TBX20: variants seen among roughly 807,000 people sequenced by gnomAD.
TBX20 encodes T-box transcription factor TBX20.
In TBX20, 8 loss-of-function variants were observed where a neutral mutation model predicts 42.9. The ratio of observed to expected loss-of-function variants is 0.19; its 90% CI spans 0.11 to 0.34. The LOEUF (loss-of-function observed/expected upper bound fraction) is 0.34. Among genes scored for constraint, TBX20 ranks in the 10% least tolerant of loss-of-function variants. The pLI, the probability that TBX20 is intolerant of heterozygous loss-of-function variation, is 1.00. For synonymous variants in TBX20, 198 were observed against 222.8 expected (o/e 0.89, Z 0.99); for missense variants, 411 against 566.0 (o/e 0.73, Z 2.78).
chr7:35,253,004 T>A (rs774750002), intron 1 of TBX20, among the ~76,000 whole-genome samples: 14 of 152,358 alleles, frequency 9.2e-5, no homozygotes, highest in Admixed American at 3.3e-4. Flanking sequence ...ATGGTTCGTG[T>A]AGGGAGAACT....
chr7:35,223,053 T>G (rs1789710098), intron 6 of TBX20, among the ~76,000 whole-genome samples: 1 of 152,212 alleles, frequency 6.6e-6, no homozygotes, highest in Non-Finnish European at 1.5e-5. Flanking sequence ...GTAAGAGTGG[T>G]AGCAGTGAAG....
At chr7:35,216,456 T>C (rs1789591825) in intron 6 of TBX20, among the ~76,000 whole-genome samples, 1 of 152,276 alleles carries the variant, frequency 6.6e-6, no homozygotes, top group Non-Finnish European at 1.5e-5. Flanking sequence ...AAAATAAGGA[T>C]ATCAATATGA....
chr7:35,250,094 AGAG>A lies in TBX20; in HGVS notation c.234_236del (p.Ser79del), dbSNP rs1384836061. 2.5e-6 allele frequency: 4 copies of A among 1,613,740 alleles called. No individual in the cohort carries two copies. Among genetic ancestry groups the A allele is most frequent in the Admixed American group, 1.7e-5 (1 of 59,958 alleles). ...TGGGGATCAGTGGCTCAGTGCACAG[AGAG>A]GAGGAGGACGGGCTGCTGCCACTGC... On this transcript the variant is annotated inframe_deletion, in exon 2 of 8. Transcript: ENST00000408931.
In TBX20 at chr7:35,240,792, C is replaced by T. The variant is rs2075048; in HGVS notation, c.813+87G>A. 178,639 of 1,254,498 alleles carry T rather than the reference C, an allele frequency of 0.14. 13,973 individuals are homozygous for T. Among genetic ancestry groups the T allele is most frequent in the Middle Eastern group, 0.25 (1,164 of 4,700 alleles). 77.7% of individuals were successfully genotyped at this position (1,254,498 alleles called of 1,614,324 possible). A position where few individuals can be genotyped will look rare whatever the true frequency, so the allele number is the denominator to read the frequency against. On this transcript the variant is annotated intron_variant, in intron 5 of 7. Coordinates refer to ENST00000408931, the MANE Select transcript of TBX20 (RefSeq NM_001077653.2). ...GCAAAGTGAACATCCATTTTGAGTA[C>T]TGGGATATCTCTTCTCTCCAAGAAA...
At position 35,250,193 on chromosome 7, in the gene TBX20, C is replaced by T. The variant is rs376489850; in HGVS notation, c.138G>A (p.Val46=). The part of the protein sequence containing the change: ...ENTIKPLEQF[V]EKSSCAQPLG... ...GGGGCTGGGCACAGGACGACTTCTC[C>T]ACAAATTGCTCTGGAGGTAAAGAGA... Residue 46 remains valine (V), a synonymous_variant, in exon 2 of 8, where the codon GTG becomes GTA. Coordinates refer to ENST00000408931, the MANE Select transcript of TBX20 (RefSeq NM_001077653.2). 4.3e-6 allele frequency: 7 copies of T among 1,613,950 alleles called. No homozygotes were observed. The African/African-American group carries it at 9.3e-5, about 22-fold the overall frequency.
chr7:35,236,402 C>T lies in TBX20; in HGVS notation c.813+4477G>A, dbSNP rs183580569. On this transcript the variant is annotated intron_variant, in intron 5 of 7. Coordinates refer to ENST00000408931, the MANE Select transcript of TBX20 (RefSeq NM_001077653.2). ...CTATATATTTATTATATGTTATAGGCTATTATATGCTGCAGGATATATTAT... is the reference window on the plus strand; with the variant it reads ...CTATATATTTATTATATGTTATAGGTTATTATATGCTGCAGGATATATTAT... 3.9e-4 allele frequency among the ~76,000 whole-genome samples: 60 copies of T among 152,104 alleles called. 1 individual carries two copies. The highest frequency in any genetic ancestry group is 3.7e-3 in the Admixed American group (56 of 15,260).
intron 5 of TBX20, among the ~76,000 whole-genome samples, chr7:35,235,766 A>G (rs2532179): frequency 6.6e-6 from 1 of 152,168 alleles, no homozygotes; most frequent in East Asian, 1.9e-4. Context: ...ATGTGTGGAG[A>G]GCAGATTTTG....
chr7:35,230,522 T>TC (rs1014403836), intron 6 of TBX20, among the ~76,000 whole-genome samples: 2 of 151,650 alleles, frequency 1.3e-5, no homozygotes, highest in African/African-American at 4.8e-5. Flanking sequence ...AAATCAAACC[T>TC]CCCCCTCACA....
chr7:35,249,959 C>T lies in TBX20; in HGVS notation c.372G>A (p.Lys124=). 2 of 1,604,756 alleles carry T rather than the reference C, an allele frequency of 1.2e-6. No individual in the cohort carries two copies. The highest frequency in any genetic ancestry group is 1.3e-5 in the African/African-American group (1 of 74,918). ...CCCCAAGTCCCAACTACCTGCCCGACTTGGTGATGATCATCTCGGTGCCCA... is the reference window on the plus strand; with the variant it reads ...CCCCAAGTCCCAACTACCTGCCCGATTTGGTGATGATCATCTCGGTGCCCA... The part of the protein sequence containing the change: ...HELGTEMIIT[K]SGRRMFPTIR... Residue 124 remains lysine (K), a synonymous_variant, in exon 2 of 8, where the codon AAG becomes AAA. Transcript: ENST00000408931. The surrounding 1 kb of genome is among the most constrained non-coding windows in gnomAD (Gnocchi z 4.3).
chr7:35,252,197 G>A (rs1584361005), intron 1 of TBX20, among the ~76,000 whole-genome samples: 1 of 152,074 alleles, frequency 6.6e-6, no homozygotes, highest in Non-Finnish European at 1.5e-5. Context: ...AGAATTCAGG[G>A]GCCCCTAAAC....
intron 3 of TBX20, 148 bp from the exon 4 acceptor site, chr7:35,245,205 G>A: frequency 1.6e-6 from 1 of 619,408 alleles, no homozygotes; most frequent in South Asian, 1.8e-5. Context: ...TATTACTATT[G>A]CAATGTCAAA....
At chr7:35,239,900 T>G (rs1790041838) in intron 5 of TBX20, among the ~76,000 whole-genome samples, 1 of 151,998 alleles carries the variant, frequency 6.6e-6, no homozygotes, top group Non-Finnish European at 1.5e-5. Context: ...TACAGGCACC[T>G]GCCACCAGGC....
At chr7:35,226,945 A>G (rs1789782658) in intron 6 of TBX20, among the ~76,000 whole-genome samples, 2 of 151,992 alleles carry the variant, frequency 1.3e-5, no homozygotes, top group African/African-American at 4.8e-5. Flanking sequence ...ATTACAGGAG[A>G]TGTGTGTTAT....
At chr7:35,247,106 T>C (rs550766326) in intron 3 of TBX20, among the ~76,000 whole-genome samples, 2 of 130,250 alleles carry the variant, frequency 1.5e-5, no homozygotes, top group Non-Finnish European at 3.1e-5. Context: ...TACCTTCAGA[T>C]AGGAAGAAAA....
chr7:35,230,596 T>G (rs1789851367), intron 6 of TBX20, among the ~76,000 whole-genome samples: 2 of 152,122 alleles, frequency 1.3e-5, no homozygotes, highest in African/African-American at 4.8e-5. Flanking sequence ...TAATTATCTT[T>G]TAATTTGAGT....
At chr7:35,253,386 G>A (rs1458378231) in intron 1 of TBX20, 108 bp downstream of exon 1, 1 of 1,338,586 alleles carries the variant, frequency 7.5e-7, no homozygotes, top group Non-Finnish European at 1.0e-6. Flanking sequence ...GCGATGTATG[G>A]CTCATGGCTT....
At chr7:35,245,974 G>A (rs933437814) in intron 3 of TBX20, among the ~76,000 whole-genome samples, 7 of 152,124 alleles carry the variant, frequency 4.6e-5, no homozygotes, top group East Asian at 1.9e-4. Context: ...CTTTATCCAC[G>A]TAAAAGGTTA....
chr7:35,233,112 G>A (rs1321605148), intron 5 of TBX20, among the ~76,000 whole-genome samples: 4 of 152,142 alleles, frequency 2.6e-5, no homozygotes, highest in South Asian at 2.1e-4. Flanking sequence ...CTGTTAACAC[G>A]TGAGGAATTT....
intron 1 of TBX20, 48 bp downstream of exon 1, chr7:35,253,446 T>A (rs1173026721): frequency 1.3e-6 from 2 of 1,584,788 alleles, no homozygotes; most frequent in South Asian, 1.1e-5. Context: ...CACAGACGGA[T>A]GCGCAGCATC....
Sources: gnomAD v4.1 joint callset for allele counts (sites outside exome capture counted in the v4.1 genomes callset) on GRCh38, gnomAD v4.1.1 for gene constraint, Gnocchi (gnomAD v3.1) non-coding constraint, MANE v1.5 for transcripts, NCBI Gene and HGNC (gene_info 2026-07-23, HGNC 2026-07-21) for gene names.